The following SSBP3 variants were observed in gnomAD, a reference collection of about 807,000 sequenced individuals.
SSBP3 encodes the protein single stranded DNA binding protein 3, also known as single-stranded DNA-binding protein 3.
A neutral mutation model predicts 69.6 loss-of-function variants in SSBP3; 5 were observed. The ratio of observed to expected loss-of-function variants is 0.07; its 90% CI spans 0.04 to 0.15. The LOEUF is 0.15. Ranked by LOEUF, SSBP3 falls within the 10% of genes least tolerant of loss-of-function variation. SSBP3 has a pLI of 1.00. For synonymous variants in SSBP3, 196 were observed against 193.4 expected (o/e 1.01, Z -0.11); for missense variants, 312 against 534.0 (o/e 0.58, Z 4.10).
chr1:54,250,911 C>T (rs1278925412), intron 9 of SSBP3, among the ~76,000 whole-genome samples: 3 of 152,142 alleles, frequency 2.0e-5, no homozygotes, highest in South Asian at 2.1e-4. Context: ...GAGCTGGCCA[C>T]GAGGGGCAAC....
chr1:54,408,148 C>T (rs1228357643), upstream of SSBP3, among the ~76,000 whole-genome samples: 2 of 152,194 alleles, frequency 1.3e-5, no homozygotes, highest in South Asian at 2.1e-4. Flanking sequence ...CCAGCGCTCA[C>T]AGGGGAAAGG....
intron 4 of SSBP3, among the ~76,000 whole-genome samples, chr1:54,385,774 C>A (rs553424166): frequency 3.3e-5 from 5 of 152,254 alleles, no homozygotes; most frequent in Admixed American, 6.5e-5. Flanking sequence ...GTACAATCCC[C>A]ATTTTACAGA....
At chr1:54,404,696 T>TC in intron 2 of SSBP3, 59 bp from the exon 3 acceptor site, 1 of 1,591,042 alleles carries the variant, frequency 6.3e-7, no homozygotes, top group Non-Finnish European at 8.6e-7. Context: ...GCTGGGGGCT[T>TC]CCCAGAGCCA....
chr1:54,240,077 TGTGTGTGTGTGCGCGCGCGC>T (rs1644586695), intron 13 of SSBP3, among the ~76,000 whole-genome samples: 2 of 22,010 alleles, frequency 9.1e-5, no homozygotes, highest in Non-Finnish European at 1.6e-4. Flanking sequence ...TGTGTGTGTG[TGTGTGTGTGTGCGCGCGCGC>T]GCGTGTGCGT....
intron 4 of SSBP3, among the ~76,000 whole-genome samples, chr1:54,308,774 A>AAAG (rs201786293): frequency 5.1e-4 from 78 of 152,016 alleles, no homozygotes; most frequent in African/African-American, 1.5e-3. Flanking sequence ...TCTCAAAAAA[A>AAAG]AAGAAGAAGA....
At chr1:54,295,108 CT>C (rs1185623233) in intron 4 of SSBP3, among the ~76,000 whole-genome samples, 4 of 152,156 alleles carry the variant, frequency 2.6e-5, no homozygotes, top group Non-Finnish European at 5.9e-5. Flanking sequence ...CTCCCCGTCC[CT>C]TCCTCAGTCC....
At chr1:54,248,330 C>A (rs543394946) in intron 9 of SSBP3, among the ~76,000 whole-genome samples, 1 of 152,152 alleles carries the variant, frequency 6.6e-6, no homozygotes, top group Non-Finnish European at 1.5e-5. Flanking sequence ...TCAGGGCCTG[C>A]GGGAAGGGGA....
intron 9 of SSBP3, among the ~76,000 whole-genome samples, chr1:54,244,008 C>T (rs1425058863): frequency 6.6e-6 from 1 of 152,202 alleles, no homozygotes; most frequent in Non-Finnish European, 1.5e-5. Flanking sequence ...TAACTCACTG[C>T]AGCCTTGACC....
Position 54,253,197 on chromosome 1 carries a change from T to A in SSBP3, c.508-1337A>T, listed in dbSNP as rs953418164. 8.5e-4 allele frequency among the ~76,000 whole-genome samples: 127 copies of A among 150,010 alleles called. 2 individuals carry two copies. Among genetic ancestry groups the A allele is most frequent in the African/African-American group, 2.8e-3 (116 of 40,734 alleles). On this transcript the variant is annotated intron_variant, in intron 7 of 17. Transcript: ENST00000610401. ...TTGTTTTTTTTTTAGTTTTTGTTTT[T>A]TTTTTTTTTTAAGACAGGGTCGCTT...
At chr1:54,410,023 G>A (rs899579276), upstream of SSBP3, among the ~76,000 whole-genome samples, 4 of 152,190 alleles carry the variant, frequency 2.6e-5, no homozygotes, top group African/African-American at 4.8e-5. Context: ...TGTGCCCTCT[G>A]TGTCCCCACT....
At chr1:54,400,894 A>C (rs1649244095) in intron 4 of SSBP3, among the ~76,000 whole-genome samples, 1 of 152,200 alleles carries the variant, frequency 6.6e-6, no homozygotes, top group Admixed American at 6.5e-5. Flanking sequence ...AATGACGTTC[A>C]AGAAACCAAC....
At chr1:54,267,790 CCT>C (rs748846965) in intron 5 of SSBP3, among the ~76,000 whole-genome samples, 4 of 152,154 alleles carry the variant, frequency 2.6e-5, no homozygotes, top group Non-Finnish European at 4.4e-5. Context: ...GTTTCTATAC[CCT>C]CTCTCAAGTT....
At chr1:54,313,285 C>G (rs1389732916) in intron 4 of SSBP3, among the ~76,000 whole-genome samples, 1 of 151,978 alleles carries the variant, frequency 6.6e-6, no homozygotes, top group Admixed American at 6.6e-5. Context: ...GCAGCCTCTG[C>G]CTCGCCAGAC....
intron 4 of SSBP3, among the ~76,000 whole-genome samples, chr1:54,289,791 C>T (rs1320722900): frequency 6.6e-6 from 1 of 151,958 alleles, no homozygotes; most frequent in Non-Finnish European, 1.5e-5. Context: ...AGGACGCCAC[C>T]CGCCCCCTGC....
intron 4 of SSBP3, among the ~76,000 whole-genome samples, chr1:54,335,525 G>GGCT (rs920340829): frequency 6.6e-6 from 1 of 152,198 alleles, no homozygotes; most frequent in African/African-American, 2.4e-5. Context: ...AGGAGACAGA[G>GGCT]GCTGATTTAA....
intron 4 of SSBP3, among the ~76,000 whole-genome samples, chr1:54,327,650 G>A (rs1393537747): frequency 6.6e-5 from 10 of 152,132 alleles, no homozygotes; most frequent in Admixed American, 6.5e-4. Flanking sequence ...GGGCAGACAG[G>A]CATAGTGGAA....
intron 4 of SSBP3, among the ~76,000 whole-genome samples, chr1:54,320,813 G>A (rs930779131): frequency 6.6e-6 from 1 of 152,140 alleles, no homozygotes; most frequent in African/African-American, 2.4e-5. Context: ...AAGCTTCTGG[G>A]GCTTTCTCGG....
In SSBP3 at chr1:54,287,897, T is replaced by C. The variant is rs191368500; in HGVS notation, c.277-6370A>G. Among the ~76,000 whole-genome samples the C allele has an allele frequency of 6.8e-4, 104 of 152,282 alleles. 2 individuals carry two copies. The East Asian group carries it at 0.016, about 23-fold the overall frequency. On this transcript the variant is annotated intron_variant, in intron 4 of 17. Transcript: ENST00000610401. ...GTGCAGTTTAGAGAAAACAGAGCTG[T>C]TGCTACGTGAAGAGGCAGAACCAGC...
At chr1:54,245,923 C>G (rs993232525) in intron 9 of SSBP3, among the ~76,000 whole-genome samples, 5 of 152,302 alleles carry the variant, frequency 3.3e-5, no homozygotes, top group Admixed American at 2.0e-4. Context: ...TACAATAAAT[C>G]GTCACAATGA....
Sources: gnomAD v4.1 joint callset for allele counts (sites outside exome capture counted in the v4.1 genomes callset) on GRCh38, gnomAD v4.1.1 for gene constraint, MANE v1.5 for transcripts, NCBI Gene and HGNC (gene_info 2026-07-23, HGNC 2026-07-21) for gene names.